FBXW4: variants seen among roughly 807,000 people sequenced by gnomAD.
The protein encoded by FBXW4 is F-box/WD repeat-containing protein 4.
FBXW4 carries 40 observed loss-of-function variants against 61.8 expected under a neutral mutation model. The observed-to-expected ratio is 0.65, with a 90% CI of 0.50 to 0.84. The LOEUF (loss-of-function observed/expected upper bound fraction) is 0.84. Among genes scored for constraint, FBXW4 ranks in the 40% least tolerant of loss-of-function variants. The pLI, the probability that FBXW4 is intolerant of heterozygous loss-of-function variation, is 0.00. For synonymous variants in FBXW4, 311 were observed against 313.8 expected, an observed-to-expected ratio of 0.99 and a Z score of 0.10; for missense variants, 672 against 753.8, an observed-to-expected ratio of 0.89 and a Z score of 1.27.
rs544940233 is a variant in FBXW4, at chr10:101,618,381, G to C, written c.1302-5904C>G. On this transcript the variant is annotated intron_variant, in intron 6 of 8. Coordinates refer to ENST00000331272, the MANE Select transcript of FBXW4 (RefSeq NM_022039.4). ...GTGGAGGTGCTGTTTATATTGAAGAGCGAGCAGGGTTTCATTAGGCACAGA... is the reference window on the plus strand; with the variant it reads ...GTGGAGGTGCTGTTTATATTGAAGACCGAGCAGGGTTTCATTAGGCACAGA... Among the ~76,000 whole-genome samples the C allele has an allele frequency of 7.3e-4, 111 of 152,310 alleles. 1 individual carries two copies. Among genetic ancestry groups the C allele is most frequent in the Non-Finnish European group, 7.2e-4 (49 of 68,016 alleles).
chr10:101,680,580 G>A (rs2064464777), intron 1 of FBXW4, among the ~76,000 whole-genome samples: 1 of 152,122 alleles, frequency 6.6e-6, no homozygotes, highest in African/African-American at 2.4e-5. Context: ...TAAAACATTG[G>A]AGGAAACATC....
rs1401964209 is a variant in FBXW4 at position 101,694,507 on chromosome 10, A to C, written c.599T>G (p.Met200Arg). The C allele has an allele frequency of 1.3e-6, 2 of 1,518,908 alleles. No individual in the cohort carries two copies. The highest frequency in any genetic ancestry group is 1.4e-5 in the African/African-American group (1 of 69,670). The allele number at this position is 1,518,908 out of a possible 1,614,324, so 94.1% of individuals were successfully genotyped here. A position where few individuals can be genotyped will look rare whatever the true frequency, so the allele number is the denominator to read the frequency against. ...LLLLICSYLD[M>R]RALGRLAQVC... ...CTGGGCCAGGCGGCCGAGGGCCCGC[A>C]TGTCCAGGTAGGAGCAGATGAGCAG... The change falls in exon 1 of 9, where the codon ATG becomes AGG. Residue 200 changes from methionine to arginine, a missense_variant. Physicochemically the swap from Met to Arg is moderately conservative, Grantham distance 91. Transcript: ENST00000331272. The surrounding 1 kb of genome is among the most constrained non-coding windows in gnomAD (Gnocchi z 6.0).
chr10:101,625,285 G>A (rs962053256), intron 5 of FBXW4: 3 of 184,368 alleles, frequency 1.6e-5, no homozygotes, highest in Non-Finnish European at 3.5e-5. Context: ...AGAGCTGGGG[G>A]AATCTGGTAA....
intron 5 of FBXW4, among the ~76,000 whole-genome samples, chr10:101,656,654 C>T (rs1483040561): frequency 6.6e-6 from 1 of 152,124 alleles, no homozygotes; most frequent in Non-Finnish European, 1.5e-5. Context: ...CTACCATGGC[C>T]ATTGTTCTAA....
chr10:101,686,591 T>A (rs1302417779), intron 1 of FBXW4, among the ~76,000 whole-genome samples: 1 of 152,156 alleles, frequency 6.6e-6, no homozygotes, highest in African/African-American at 2.4e-5. Context: ...CAAAATGACT[T>A]TTCCCTAGAC....
chr10:101,663,835 A>G (rs1485841032), intron 5 of FBXW4, among the ~76,000 whole-genome samples: 1 of 152,140 alleles, frequency 6.6e-6, no homozygotes, highest in East Asian at 1.9e-4. Flanking sequence ...CTGTCCTTCT[A>G]TCAATCATCC....
intron 6 of FBXW4, among the ~76,000 whole-genome samples, chr10:101,619,130 C>G (rs891615020): frequency 2.1e-4 from 32 of 152,192 alleles, no homozygotes; most frequent in Admixed American, 1.2e-3. Context: ...CATAGTTCCT[C>G]AGGGCCTGAT....
intron 6 of FBXW4, among the ~76,000 whole-genome samples, chr10:101,620,988 C>T (rs2063862886): frequency 6.6e-6 from 1 of 152,212 alleles, no homozygotes; most frequent in South Asian, 2.1e-4. Flanking sequence ...GATTACCCAA[C>T]ATTTGAGATG....
rs1430128799 is a variant in FBXW4 at position 101,673,600 on chromosome 10, A to C, written c.895T>G (p.Phe299Val). 3 of 1,614,074 alleles carry C rather than the reference A, an allele frequency of 1.9e-6. No individual in the cohort carries two copies. Among genetic ancestry groups the C allele is most frequent in the Non-Finnish European group, 2.5e-6 (3 of 1,179,912 alleles). The change falls in exon 3 of 9, where the codon TTC becomes GTC. Residue 299 changes from phenylalanine to valine, a missense_variant. Physicochemically the swap from Phe to Val is conservative, Grantham distance 50. Around this residue, in one of 5 missense-constraint regions of FBXW4, gnomAD observed 312 missense variants for 370.1 expected, o/e 0.84. Coordinates refer to ENST00000331272, the MANE Select transcript of FBXW4 (RefSeq NM_022039.4). ...TTCAAGCTGGCACCATCTGGACGGA[A>C]CTGGTAGGCCAGGATGAAATTAGCC... is the stretch of plus-strand genomic sequence containing the variant. ...SQANFILAYQFRPDGASLNRR... is the reference protein window; with the variant it reads ...SQANFILAYQVRPDGASLNRR...
intron 5 of FBXW4, among the ~76,000 whole-genome samples, chr10:101,641,494 A>C (rs1417620479): frequency 6.6e-6 from 1 of 152,160 alleles, no homozygotes; most frequent in Non-Finnish European, 1.5e-5. Flanking sequence ...CCAAAAACTA[A>C]GGGAAAAATA....
intron 5 of FBXW4, among the ~76,000 whole-genome samples, chr10:101,637,391 CAA>C (rs908050683): frequency 1.3e-4 from 2 of 14,852 alleles, no homozygotes; most frequent in African/African-American, 5.3e-4. Flanking sequence ...GACTCCGTCT[CAA>C]AAAAAAAAAA....
chr10:101,645,273 G>A (rs531930075), intron 5 of FBXW4, among the ~76,000 whole-genome samples: 2 of 152,276 alleles, frequency 1.3e-5, no homozygotes, highest in African/African-American at 4.8e-5. Context: ...TCTTTTTGGG[G>A]GGAAGCCCAG....
intron 5 of FBXW4, among the ~76,000 whole-genome samples, chr10:101,644,613 T>A (rs2064080856): frequency 6.6e-6 from 1 of 152,198 alleles, no homozygotes; most frequent in Admixed American, 6.5e-5. Flanking sequence ...CATCATATTT[T>A]GGGCCTTCAT....
chr10:101,625,099 T>G, intron 5 of FBXW4: 1 of 435,306 alleles, frequency 2.3e-6, no homozygotes, highest in Non-Finnish European at 4.2e-6. Flanking sequence ...AACAGATCTC[T>G]AGACGTGACA....
chr10:101,692,086 AT>A (rs900358097), intron 1 of FBXW4, among the ~76,000 whole-genome samples: 454 of 148,858 alleles, frequency 3.0e-3, no homozygotes, highest in African/African-American at 8.9e-3. Context: ...AAAGTACAGA[AT>A]TTTTTTTTTT....
intron 2 of FBXW4, among the ~76,000 whole-genome samples, chr10:101,674,792 A>G (rs1227266045): frequency 6.6e-6 from 1 of 152,248 alleles, no homozygotes; most frequent in African/African-American, 2.4e-5. Flanking sequence ...AAGAAAGGCT[A>G]GAAGCCACAG....
intron 1 of FBXW4, among the ~76,000 whole-genome samples, chr10:101,686,490 G>T (rs1188471918): frequency 1.3e-5 from 2 of 151,160 alleles, no homozygotes; most frequent in African/African-American, 4.8e-5. Context: ...GCGGATTTTT[G>T]GGGGGCAGGG....
chr10:101,655,666 C>G (rs1026077821), intron 5 of FBXW4, among the ~76,000 whole-genome samples: 2 of 152,102 alleles, frequency 1.3e-5, no homozygotes, highest in Admixed American at 6.5e-5. Context: ...AAAGCTGCAG[C>G]TGCAACAAGG....
At chr10:101,681,175 G>A (rs1418853880) in intron 1 of FBXW4, among the ~76,000 whole-genome samples, 1 of 150,964 alleles carries the variant, frequency 6.6e-6, no homozygotes. Context: ...ACCACCTGAG[G>A]TCAGGAGTTT....
Sources: allele counts gnomAD v4.1 joint callset (sites outside exome capture counted in the v4.1 genomes callset), GRCh38; gene constraint gnomAD v4.1.1; regional missense constraint gnomAD v4.1.1; non-coding constraint Gnocchi (gnomAD v3.1); transcripts MANE v1.5; gene names NCBI Gene and HGNC (gene_info 2026-07-23, HGNC 2026-07-21).